The following SPMIP2 variants were observed in gnomAD, a reference collection of about 807,000 sequenced individuals.
SPMIP2 encodes the protein protein SPMIP2.
At chr4:159,022,441 G>C in the SPMIP2 span, among the ~76,000 whole-genome samples, 4 of 152,248 alleles carry the variant, frequency 2.6e-5, no homozygotes, top group Admixed American at 2.0e-4. Flanking sequence ...GTAAAGAGCA[G>C]TGGAATTGGA....
chr4:158,955,200 A>G, the SPMIP2 span, among the ~76,000 whole-genome samples: 1 of 152,166 alleles, frequency 6.6e-6, no homozygotes, highest in South Asian at 2.1e-4. Flanking sequence ...CAATAACTGC[A>G]CTGTCTCTCC....
chr4:158,968,800 TTA>T, the SPMIP2 span, among the ~76,000 whole-genome samples: 2 of 152,202 alleles, frequency 1.3e-5, no homozygotes, highest in African/African-American at 4.8e-5. Context: ...TAAGCCAATC[TTA>T]TATCAGTTTA....
chr4:159,050,679 C>A, the SPMIP2 span, among the ~76,000 whole-genome samples: 1 of 151,684 alleles, frequency 6.6e-6, no homozygotes, highest in Admixed American at 6.6e-5. Context: ...CCTGTAGTCA[C>A]AAGCTACCCA....
At chr4:158,910,105 T>G in the SPMIP2 span, among the ~76,000 whole-genome samples, 1 of 151,902 alleles carries the variant, frequency 6.6e-6, no homozygotes, top group African/African-American at 2.4e-5. Flanking sequence ...GGTCTTGAAC[T>G]CTGGGCCTTA....
At chr4:158,895,995 C>A in the SPMIP2 span, 1 of 644,182 alleles carries the variant, frequency 1.6e-6, no homozygotes. Context: ...TGGAGTCCAT[C>A]AGATACGTGC....
At chr4:159,076,405 A>G in the SPMIP2 span, among the ~76,000 whole-genome samples, 4 of 152,176 alleles carry the variant, frequency 2.6e-5, no homozygotes, top group African/African-American at 9.7e-5. Context: ...GATTTCTATT[A>G]GTTGAAATAT....
the SPMIP2 span, among the ~76,000 whole-genome samples, chr4:158,911,521 T>C: frequency 6.6e-6 from 1 of 152,092 alleles, no homozygotes; most frequent in African/African-American, 2.4e-5. Context: ...TGCTAGGTTA[T>C]TGTCTTTGCC....
chr4:158,954,470 C>T, the SPMIP2 span, among the ~76,000 whole-genome samples: 4 of 152,276 alleles, frequency 2.6e-5, no homozygotes, highest in East Asian at 5.8e-4. Context: ...AGTGTGAAAA[C>T]GGACTAATAC....
At chr4:158,998,275 T>C in the SPMIP2 span, among the ~76,000 whole-genome samples, 2 of 152,238 alleles carry the variant, frequency 1.3e-5, no homozygotes, top group East Asian at 3.8e-4. Flanking sequence ...ATTTGGCACA[T>C]GAGCCATGGT....
chr4:158,958,554 A>G, the SPMIP2 span, among the ~76,000 whole-genome samples: 1 of 152,246 alleles, frequency 6.6e-6, no homozygotes, highest in Admixed American at 6.5e-5. Flanking sequence ...CACAGAATCT[A>G]ACAGTGCTTT....
chr4:159,082,465 G>GTA, the SPMIP2 span, among the ~76,000 whole-genome samples: 1 of 149,210 alleles, frequency 6.7e-6, no homozygotes, highest in African/African-American at 2.5e-5. Flanking sequence ...GTGTGTGTGT[G>GTA]TGTGTGTGTG....
At chr4:158,902,374 G>A in the SPMIP2 span, among the ~76,000 whole-genome samples, 2 of 152,152 alleles carry the variant, frequency 1.3e-5, no homozygotes, top group African/African-American at 4.8e-5. Context: ...TCCCAGAGGG[G>A]CACCCACCAG....
the SPMIP2 span, among the ~76,000 whole-genome samples, chr4:159,001,100 C>T: frequency 6.6e-6 from 1 of 152,146 alleles, no homozygotes; most frequent in African/African-American, 2.4e-5. Flanking sequence ...GTAGTTGTGT[C>T]ATTTTTGCAT....
At chr4:159,070,226 C>A in the SPMIP2 span, among the ~76,000 whole-genome samples, 1 of 152,064 alleles carries the variant, frequency 6.6e-6, no homozygotes, top group African/African-American at 2.4e-5. Flanking sequence ...TTTGTGCCAT[C>A]GAGTTGTTTA....
chr4:159,014,512 A>C, the SPMIP2 span, among the ~76,000 whole-genome samples: 1 of 132,042 alleles, frequency 7.6e-6, no homozygotes, highest in Non-Finnish European at 1.7e-5. Context: ...TTCTGAAACA[A>C]ATTTTTTTTT....
the SPMIP2 span, among the ~76,000 whole-genome samples, chr4:158,973,487 A>G: frequency 3.9e-5 from 6 of 152,168 alleles, no homozygotes; most frequent in African/African-American, 1.4e-4. Context: ...ATAATTAATA[A>G]TTCTTATTAA....
chr4:158,991,824 T>C, the SPMIP2 span, among the ~76,000 whole-genome samples: 1 of 147,878 alleles, frequency 6.8e-6, no homozygotes, highest in Non-Finnish European at 1.5e-5. Flanking sequence ...TGTATTAGTC[T>C]TTTTGGAATT....
the SPMIP2 span, among the ~76,000 whole-genome samples, chr4:158,896,691 ATTATTCTTACATACT>A: frequency 6.6e-6 from 1 of 151,222 alleles, no homozygotes; most frequent in Non-Finnish European, 1.5e-5. Flanking sequence ...CCTGTCATAG[ATTATTCTTACATACT>A]TTATTTACAA....
At chr4:158,897,070 C>A in the SPMIP2 span, among the ~76,000 whole-genome samples, 1 of 151,804 alleles carries the variant, frequency 6.6e-6, no homozygotes, top group Non-Finnish European at 1.5e-5. Flanking sequence ...TCAACTCCCA[C>A]GTATGAGGGA....
Sources: gnomAD v4.1 joint callset for allele counts (sites outside exome capture counted in the v4.1 genomes callset) on GRCh38, gnomAD v4.1.1 for gene constraint, MANE v1.5 for transcripts, NCBI Gene and HGNC (gene_info 2026-07-23, HGNC 2026-07-21) for gene names.